The following GSE1 variants were observed in gnomAD, a reference collection of about 807,000 sequenced individuals.
The protein encoded by GSE1 is Gse1 coiled-coil protein, also known as genetic suppressor element 1.
In GSE1, 32 loss-of-function variants were observed where a neutral mutation model predicts 112.6. The observed-to-expected ratio is 0.28, with a 90% CI of 0.21 to 0.38. The LOEUF is 0.38. GSE1 is among the 10% of genes least tolerant of loss of function. The pLI is 1.00. For missense variants in GSE1, 2,348 were observed against 1,699.2 expected (o/e 1.38, Z -6.71); for synonymous variants, 1,115 against 735.6 (o/e 1.52, Z -8.35).
chr16:85,626,639 G>A (rs915509568), intron 1 of GSE1, among the ~76,000 whole-genome samples: 1 of 152,218 alleles, frequency 6.6e-6, no homozygotes, highest in African/African-American at 2.4e-5. Context: ...GGGGCGGATT[G>A]GTGCTTGAAC....
At chr16:85,385,545 G>T (rs1018905932) in intron 2 of GSE1, among the ~76,000 whole-genome samples, 2 of 152,202 alleles carry the variant, frequency 1.3e-5, no homozygotes, top group African/African-American at 4.8e-5. Context: ...GGAGTTTGTG[G>T]CTGAGGTGGA....
At chr16:85,651,065 C>G (rs1242763467) in intron 3 of GSE1, among the ~76,000 whole-genome samples, 2 of 126,924 alleles carry the variant, frequency 1.6e-5, no homozygotes, top group Non-Finnish European at 3.4e-5. Flanking sequence ...CCCCCTCCCC[C>G]TCCGCCCCTC....
chr16:85,573,522 T>A (rs543911254), intron 1 of GSE1, among the ~76,000 whole-genome samples: 15 of 152,314 alleles, frequency 9.8e-5, no homozygotes, highest in African/African-American at 3.6e-4. Context: ...CTATTTAACT[T>A]TTTGAGGAAC....
intron 2 of GSE1, among the ~76,000 whole-genome samples, chr16:85,543,523 G>T (rs577129920): frequency 6.6e-6 from 1 of 152,180 alleles, no homozygotes; most frequent in Admixed American, 6.5e-5. Flanking sequence ...AGCCCTGCTG[G>T]GGGGCAGGCC....
chr16:85,261,500 G>A (rs1045534429), intron 1 of GSE1, among the ~76,000 whole-genome samples: 3 of 152,208 alleles, frequency 2.0e-5, no homozygotes, highest in South Asian at 2.1e-4. Context: ...GCACATCTCC[G>A]AGGCAGTCCA....
chr16:85,570,231 T>C (rs2045927497), intron 1 of GSE1, among the ~76,000 whole-genome samples: 1 of 152,156 alleles, frequency 6.6e-6, no homozygotes, highest in South Asian at 2.1e-4. Context: ...AGTGTCCATC[T>C]TCAAGGACCT....
chr16:85,203,089 C>T (rs1367950880), intron 1 of GSE1, among the ~76,000 whole-genome samples: 2 of 152,004 alleles, frequency 1.3e-5, no homozygotes, highest in African/African-American at 4.8e-5. Flanking sequence ...TGGATTTCTC[C>T]TGAGATGCTC....
intron 3 of GSE1, among the ~76,000 whole-genome samples, chr16:85,651,099 T>G (rs2051313176): frequency 1.2e-5 from 1 of 80,874 alleles, no homozygotes; most frequent in Admixed American, 1.4e-4. Context: ...TCCGCCTTCT[T>G]TCTTTCATCG....
upstream of GSE1, among the ~76,000 whole-genome samples, chr16:85,552,318 C>CTCAGTCT (rs1415247732): frequency 3.9e-3 from 418 of 108,108 alleles, no homozygotes; most frequent in Middle Eastern, 6.5e-3. Context: ...AACCACCGCA[C>CTCAGTCT]CCGCCCCTCC....
intron 2 of GSE1, among the ~76,000 whole-genome samples, chr16:85,422,707 G>C (rs910341255): frequency 5.3e-5 from 8 of 152,324 alleles, no homozygotes; most frequent in African/African-American, 1.7e-4. Context: ...CAGAGGCCCT[G>C]CAGGTGCAGA....
At chr16:85,489,293 C>T (rs768556283) in intron 2 of GSE1, among the ~76,000 whole-genome samples, 14 of 151,822 alleles carry the variant, frequency 9.2e-5, no homozygotes, top group South Asian at 6.3e-4. Flanking sequence ...TGAGCCGGGC[C>T]GGTGAGAATT....
chr16:85,528,480 AT>A (rs11388377), intron 2 of GSE1, among the ~76,000 whole-genome samples: 285 of 144,208 alleles, frequency 2.0e-3, no homozygotes, highest in East Asian at 1.6e-3. Flanking sequence ...CCCCCGGCTA[AT>A]TTTTTTTTTT....
chr16:85,364,010 A>G (rs2047135616), intron 2 of GSE1, among the ~76,000 whole-genome samples: 1 of 152,190 alleles, frequency 6.6e-6, no homozygotes, highest in Non-Finnish European at 1.5e-5. Context: ...GTGGCTTAAA[A>G]CAACACTCAT....
At chr16:85,553,403 C>G (rs2045032046), upstream of GSE1, among the ~76,000 whole-genome samples, 1 of 151,668 alleles carries the variant, frequency 6.6e-6, no homozygotes, top group South Asian at 2.1e-4. Flanking sequence ...GCGCGACCTC[C>G]AGGGTCAGCG....
chr16:85,245,265 G>C (rs934463724), intron 1 of GSE1, among the ~76,000 whole-genome samples: 1 of 152,224 alleles, frequency 6.6e-6, no homozygotes, highest in East Asian at 1.9e-4. Context: ...ATATCTCTCA[G>C]CCGCAGCCCT....
chr16:85,576,837 A>G (rs1334037829), intron 1 of GSE1, among the ~76,000 whole-genome samples: 5 of 152,082 alleles, frequency 3.3e-5, no homozygotes, highest in African/African-American at 1.2e-4. Context: ...TGCCACTGCA[A>G]AGCCTGTGGA....
intron 1 of GSE1, among the ~76,000 whole-genome samples, chr16:85,248,803 G>GAT (rs56662839): frequency 0.018 from 2,781 of 152,310 alleles, 76 homozygotes; most frequent in African/African-American, 0.062. Flanking sequence ...TTTGGGTGAA[G>GAT]ATACCAGGGT....
chr16:85,416,194 T>A (rs1254072982), intron 2 of GSE1, among the ~76,000 whole-genome samples: 29 of 152,184 alleles, frequency 1.9e-4, no homozygotes, highest in Admixed American at 1.9e-3. Flanking sequence ...ATTTTTACAT[T>A]AGAGCGCCTT....
At chr16:85,222,601 T>C (rs2075413112) in intron 1 of GSE1, among the ~76,000 whole-genome samples, 1 of 152,196 alleles carries the variant, frequency 6.6e-6, no homozygotes, top group Non-Finnish European at 1.5e-5. Flanking sequence ...CCAACATCTC[T>C]TTGTCGGATC....
Sources: allele counts gnomAD v4.1 joint callset (sites outside exome capture counted in the v4.1 genomes callset), GRCh38; gene constraint gnomAD v4.1.1; transcripts MANE v1.5; gene names NCBI Gene and HGNC (gene_info 2026-07-23, HGNC 2026-07-21).